NTRK2: variants seen among roughly 807,000 people sequenced by gnomAD.
The protein encoded by NTRK2 is BDNF/NT-3 growth factors receptor.
Under a neutral mutation model 94.5 loss-of-function variants are expected in NTRK2, and 13 were observed. The observed-to-expected ratio is 0.14, with a 90% CI of 0.09 to 0.22. NTRK2 has a LOEUF of 0.22. NTRK2 is among the 10% of genes least tolerant of loss of function. The probability of loss-of-function intolerance (pLI) is 1.00; values close to 1 mark genes in which losing one functional copy is unlikely to be tolerated. For missense variants in NTRK2, 639 were observed against 1,071.2 expected (o/e 0.60, Z 5.63); for synonymous variants, 372 against 407.4 (o/e 0.91, Z 1.05).
At chr9:84,721,748 A>G (rs1280035880) in intron 6 of NTRK2, among the ~76,000 whole-genome samples, 1 of 152,250 alleles carries the variant, frequency 6.6e-6, no homozygotes, top group Non-Finnish European at 1.5e-5. Flanking sequence ...CTCAGGGAAC[A>G]GGAAATAGTG....
chr9:84,835,094 A>G (rs2073795222), intron 12 of NTRK2, among the ~76,000 whole-genome samples: 1 of 152,148 alleles, frequency 6.6e-6, no homozygotes, highest in Non-Finnish European at 1.5e-5. Context: ...TAGCTATTTC[A>G]GGGATGCCTG....
At chr9:84,857,632 A>T (rs2075129526) in intron 12 of NTRK2, among the ~76,000 whole-genome samples, 1 of 152,192 alleles carries the variant, frequency 6.6e-6, no homozygotes, top group African/African-American at 2.4e-5. Context: ...ATGATCAAGA[A>T]GATTGTATTC....
chr9:84,977,505 A>G (rs528781743), intron 17 of NTRK2, among the ~76,000 whole-genome samples: 2 of 152,380 alleles, frequency 1.3e-5, no homozygotes, highest in South Asian at 2.1e-4. Context: ...TGCATATCAG[A>G]CAACTCAAAT....
intron 2 of NTRK2, among the ~76,000 whole-genome samples, chr9:84,677,211 C>T (rs1159364057): frequency 6.6e-6 from 1 of 152,162 alleles, no homozygotes; most frequent in Non-Finnish European, 1.5e-5. Flanking sequence ...GAGAAACCCG[C>T]AGCCCTTTCG....
rs374564724 is a variant in NTRK2, at chr9:84,920,227, A to G, written c.1634-13935A>G. Among the ~76,000 whole-genome samples the G allele has an allele frequency of 3.3e-5, 5 of 152,084 alleles. No homozygotes were observed. The East Asian group carries it at 9.6e-4, about 29-fold the overall frequency. ...AGGGACATTTTTTTTCTCTTTACAA[A>G]TACTGTTGGTTGACTGAAGTAGTCT... On this transcript the variant is annotated intron_variant, in intron 14 of 18. Coordinates refer to ENST00000277120, the MANE Select transcript of NTRK2 (RefSeq NM_006180.6).
Position 85,025,283 on chromosome 9 carries a change from GCTTT to G in NTRK2, c.*3851_*3854del, listed in dbSNP as rs1228099102. On this transcript the variant is annotated 3_prime_UTR_variant, in exon 19 of 19. Transcript: ENST00000277120. ...TGTAATGGTCCAGGAAAGGAACATT[GCTTT>G]CTTTTTGTCTTTCAGCACATTTGTA... 4.3e-6 allele frequency: 1 copy of G among 233,080 alleles called. No homozygotes were observed. Among genetic ancestry groups the G allele is most frequent in the Non-Finnish European group, 8.5e-6 (1 of 117,998 alleles). 14.4% of individuals were successfully genotyped at this position (233,080 alleles called of 1,614,324 possible). A position where few individuals can be genotyped will look rare whatever the true frequency, so the allele number is the denominator to read the frequency against.
At chr9:84,776,161 A>T (rs1048031638) in intron 12 of NTRK2, among the ~76,000 whole-genome samples, 3 of 82,718 alleles carry the variant, frequency 3.6e-5, no homozygotes, top group African/African-American at 1.1e-4. Flanking sequence ...AGAGAGATAG[A>T]TATAGATATA....
rs147460813 is a variant in NTRK2 at position 84,918,139 on chromosome 9, A to C, written c.1634-16023A>C. On this transcript the variant is annotated intron_variant, in intron 14 of 18. Transcript: ENST00000277120. ...CCCACTTGTCAAGCAACAGAAAGGCACAGTTTTCATTCATTCATTCTTTTG... is the reference window on the plus strand; with the variant it reads ...CCCACTTGTCAAGCAACAGAAAGGCCCAGTTTTCATTCATTCATTCTTTTG... Among the ~76,000 whole-genome samples the C allele has an allele frequency of 2.0e-4, 30 of 152,342 alleles. No individual in the cohort carries two copies. In the East Asian group the frequency reaches 5.0e-3, roughly 25 times the overall value.
chr9:84,982,537 C>G (rs1827759825), intron 17 of NTRK2, among the ~76,000 whole-genome samples: 1 of 152,228 alleles, frequency 6.6e-6, no homozygotes, highest in Admixed American at 6.5e-5. Context: ...TATATGCCAA[C>G]TACATCATCA....
chr9:84,732,666 A>G (rs1320980034), intron 9 of NTRK2, among the ~76,000 whole-genome samples: 1 of 152,216 alleles, frequency 6.6e-6, no homozygotes, highest in African/African-American at 2.4e-5. Flanking sequence ...TCAGGCTGGC[A>G]GTATGGGGTC....
chr9:84,998,009 A>G (rs1293109227), intron 17 of NTRK2, among the ~76,000 whole-genome samples: 1 of 152,112 alleles, frequency 6.6e-6, no homozygotes, highest in Non-Finnish European at 1.5e-5. Flanking sequence ...CCTGCCTTAC[A>G]TACCTCTCAC....
At chr9:84,828,043 T>C (rs967071881) in intron 12 of NTRK2, among the ~76,000 whole-genome samples, 4 of 152,196 alleles carry the variant, frequency 2.6e-5, no homozygotes, top group East Asian at 1.9e-4. Context: ...TTCATACCCA[T>C]TGAGTTGCAT....
Position 84,941,228 on chromosome 9 carries a change from A to AGT in NTRK2, c.1764+6947_1764+6948dup, listed in dbSNP as rs1313527625. ...TTCTTTCCTGGTGTGCACACTCAAG[A>AGT]GTGTGTGTGTGTATGCATGCATGCA... On this transcript the variant is annotated intron_variant, in intron 15 of 18. Transcript: ENST00000277120. 2.0e-5 allele frequency among the ~76,000 whole-genome samples: 3 copies of AGT among 151,974 alleles called. No homozygotes were observed. The South Asian group carries it at 6.2e-4, about 32-fold the overall frequency.
At chr9:84,845,194 T>C (rs1287848208) in intron 12 of NTRK2, among the ~76,000 whole-genome samples, 1 of 152,028 alleles carries the variant, frequency 6.6e-6, no homozygotes, top group Non-Finnish European at 1.5e-5. Flanking sequence ...TGCAAAGATA[T>C]GAAACCAGCC....
At chr9:84,894,957 G>T (rs527625871) in intron 14 of NTRK2, among the ~76,000 whole-genome samples, 1 of 152,158 alleles carries the variant, frequency 6.6e-6, no homozygotes, top group African/African-American at 2.4e-5. Flanking sequence ...ACAGGTTTAT[G>T]ATTCAAGCTT....
intron 14 of NTRK2, among the ~76,000 whole-genome samples, chr9:84,929,980 C>T (rs1309861661): frequency 6.6e-6 from 1 of 152,184 alleles, no homozygotes; most frequent in Non-Finnish European, 1.5e-5. Context: ...GAGAATTTTG[C>T]ATGCTTATGT....
At chr9:84,849,798 T>A (rs541008462) in intron 12 of NTRK2, among the ~76,000 whole-genome samples, 1 of 152,302 alleles carries the variant, frequency 6.6e-6, no homozygotes, top group Admixed American at 6.5e-5. Context: ...TCTCTGAGCT[T>A]TACAATTCAG....
chr9:84,706,823 C>T (rs995478911), intron 4 of NTRK2, among the ~76,000 whole-genome samples: 6 of 152,158 alleles, frequency 3.9e-5, no homozygotes, highest in Non-Finnish European at 7.3e-5. Flanking sequence ...AGCCACCGCA[C>T]CTGGCCAGAT....
At chr9:84,914,045 A>G (rs2077322662) in intron 14 of NTRK2, among the ~76,000 whole-genome samples, 1 of 151,892 alleles carries the variant, frequency 6.6e-6, no homozygotes, top group Admixed American at 6.6e-5. Flanking sequence ...AAATTTAGTG[A>G]TTCTTTTCAT....
Sources: gnomAD v4.1 joint callset for allele counts (sites outside exome capture counted in the v4.1 genomes callset) on GRCh38, gnomAD v4.1.1 for gene constraint, MANE v1.5 for transcripts, NCBI Gene and HGNC (gene_info 2026-07-23, HGNC 2026-07-21) for gene names.